Variants in MAP3K5 observed in about 807,000 individuals in gnomAD.
MAP3K5 encodes mitogen-activated protein kinase kinase kinase 5, also known as ASK-1.
A neutral mutation model predicts 158.7 loss-of-function variants in MAP3K5; 56 were observed. That is an observed-to-expected ratio of 0.35 (90% CI 0.28 to 0.44). The LOEUF (loss-of-function observed/expected upper bound fraction) is 0.44, where lower values mean the gene tolerates loss of function less well. Ranked by LOEUF, MAP3K5 falls within the 20% of genes least tolerant of loss-of-function variation. MAP3K5 has a pLI of 1.00. For synonymous variants in MAP3K5, 579 were observed against 601.7 expected (o/e 0.96, Z 0.55); for missense variants, 1,294 against 1,674.8 (o/e 0.77, Z 3.97).
chr6:136,639,900 T>C (rs1292299464), intron 12 of MAP3K5, among the ~76,000 whole-genome samples: 2 of 152,172 alleles, frequency 1.3e-5, no homozygotes, highest in Admixed American at 1.3e-4. Context: ...CTACACATCC[T>C]TTCAACAGAG....
intron 8 of MAP3K5, among the ~76,000 whole-genome samples, chr6:136,667,837 C>T (rs957034312): frequency 6.6e-6 from 1 of 151,368 alleles, no homozygotes; most frequent in Non-Finnish European, 1.5e-5. Flanking sequence ...CAGAGTGAGA[C>T]CCTGTCTCAG....
intron 24 of MAP3K5, among the ~76,000 whole-genome samples, chr6:136,582,983 C>G (rs1359485775): frequency 6.6e-6 from 1 of 152,188 alleles, no homozygotes; most frequent in South Asian, 2.1e-4. Flanking sequence ...TCTCAGCAAT[C>G]TCTCATTAGA....
At chr6:136,687,385 C>A (rs1008682360) in intron 7 of MAP3K5, among the ~76,000 whole-genome samples, 1 of 152,142 alleles carries the variant, frequency 6.6e-6, no homozygotes, top group African/African-American at 2.4e-5. Flanking sequence ...ATGACTAAAA[C>A]ACCAAAAGCA....
chr6:136,757,586 A>ATTTTTTTTTTTTTTTTT (rs897486770), intron 1 of MAP3K5, among the ~76,000 whole-genome samples: 1 of 127,818 alleles, frequency 7.8e-6, no homozygotes, highest in Non-Finnish European at 1.6e-5. Context: ...TTTATTTTTT[A>ATTTTTTTTTTTTTTTTT]TTTTTTTTTT....
Position 136,737,037 on chromosome 6 carries a change from G to GTGTATATATATATATA in MAP3K5, c.449-16449_449-16448insTATATATATATATACA, listed in dbSNP as rs759947051. On this transcript the variant is annotated intron_variant, in intron 1 of 29. Transcript: ENST00000359015. Reference sequence around the variant, plus strand: ...TAATTTTACATATATATATGTGTGTGTATATATATATATATATATAAACTT... The same window carrying GTGTATATATATATATA: ...TAATTTTACATATATATATGTGTGTGTGTATATATATATATATATATATATATATATATATAAACTT... Among the ~76,000 whole-genome samples the GTGTATATATATATATA allele has an allele frequency of 2.9e-4, 37 of 126,954 alleles. 2 individuals are homozygous for GTGTATATATATATATA. Among genetic ancestry groups the GTGTATATATATATATA allele is most frequent in the African/African-American group, 1.4e-3 (37 of 26,432 alleles). The allele number at this position is 126,954 out of a possible 152,430, so 83.3% of individuals were successfully genotyped here. A position where few individuals can be genotyped will look rare whatever the true frequency, so the allele number is the denominator to read the frequency against.
chr6:136,761,306 A>AAT (rs1326848963), intron 1 of MAP3K5, among the ~76,000 whole-genome samples: 2 of 149,502 alleles, frequency 1.3e-5, no homozygotes. Context: ...AAAAAAAAAA[A>AAT]ACGAACAGTC....
In MAP3K5 at chr6:136,757,578, TA is replaced by T. The variant is rs1482839620; in HGVS notation, c.448+34131del. Among the ~76,000 whole-genome samples the T allele has an allele frequency of 3.2e-3, 352 of 111,038 alleles. 1 individual carries two copies. Among genetic ancestry groups the T allele is most frequent in the African/African-American group, 9.8e-3 (295 of 29,980 alleles). 72.8% of individuals were successfully genotyped at this position (111,038 alleles called of 152,430 possible). ...AACTCATTTTATAGATTTATTTATTTATTTTTTATTTTTTTTTTTTTTTTTT... is the reference window on the plus strand; with the variant it reads ...AACTCATTTTATAGATTTATTTATTTTTTTTTATTTTTTTTTTTTTTTTTT... On this transcript the variant is annotated intron_variant, in intron 1 of 29. Coordinates refer to ENST00000359015, the MANE Select transcript of MAP3K5 (RefSeq NM_005923.4).
intron 23 of MAP3K5, among the ~76,000 whole-genome samples, chr6:136,591,955 T>A (rs1316392406): frequency 2.0e-5 from 3 of 152,240 alleles, no homozygotes; most frequent in Non-Finnish European, 2.9e-5. Context: ...AAAAATAGCT[T>A]ATGTTCAAAA....
At chr6:136,728,782 C>T (rs1393828141) in intron 1 of MAP3K5, among the ~76,000 whole-genome samples, 1 of 152,142 alleles carries the variant, frequency 6.6e-6, no homozygotes, top group Non-Finnish European at 1.5e-5. Flanking sequence ...GTATTACACT[C>T]AAGTGTTTTG....
At chr6:136,596,022 G>C (rs1323724177) in intron 21 of MAP3K5, among the ~76,000 whole-genome samples, 1 of 152,136 alleles carries the variant, frequency 6.6e-6, no homozygotes, top group Admixed American at 6.5e-5. Flanking sequence ...AAAGCAATTG[G>C]ATATGAGTCT....
chr6:136,669,178 T>C (rs1351551326), intron 8 of MAP3K5, 105 bp downstream of exon 8: 3 of 793,438 alleles, frequency 3.8e-6, no homozygotes, highest in South Asian at 3.0e-5. Context: ...TTGGGAAGTA[T>C]GAAAAGACAG....
At chr6:136,577,240 A>G (rs1312513789) in intron 25 of MAP3K5, among the ~76,000 whole-genome samples, 1 of 152,242 alleles carries the variant, frequency 6.6e-6, no homozygotes, top group African/African-American at 2.4e-5. Flanking sequence ...TCTTAATGGC[A>G]TAACAAAATC....
intron 10 of MAP3K5, among the ~76,000 whole-genome samples, chr6:136,651,537 T>TGTA (rs1778519274): frequency 6.6e-6 from 1 of 152,186 alleles, no homozygotes; most frequent in Admixed American, 6.5e-5. Flanking sequence ...ATCATACAGA[T>TGTA]GTAGTAGTAT....
chr6:136,750,789 T>C (rs1783172416), intron 1 of MAP3K5, among the ~76,000 whole-genome samples: 1 of 152,196 alleles, frequency 6.6e-6, no homozygotes, highest in Admixed American at 6.5e-5. Context: ...TCATCCTGAG[T>C]CCTAGTCCTG....
intron 21 of MAP3K5, among the ~76,000 whole-genome samples, chr6:136,593,327 T>A (rs572238863): frequency 6.6e-6 from 1 of 152,198 alleles, no homozygotes; most frequent in African/African-American, 2.4e-5. Context: ...TCCTCAAACA[T>A]TGGTTTTAAA....
Position 136,637,425 on chromosome 6 carries a change from CGT to C in MAP3K5, c.1935-21_1935-20del. 1 of 1,369,352 alleles carries C rather than the reference CGT, an allele frequency of 7.3e-7. No individual in the cohort carries two copies. The highest frequency in any genetic ancestry group is 1.0e-6 in the Non-Finnish European group (1 of 956,712). 84.8% of individuals were successfully genotyped at this position (1,369,352 alleles called of 1,614,324 possible). Reference sequence around the variant, plus strand: ...AAAAAACCTACAATACAAGTTAGCACGTGAGCATTCATAACACAAACAATAGT... The same window carrying C: ...AAAAAACCTACAATACAAGTTAGCACGAGCATTCATAACACAAACAATAGT... On this transcript the variant is annotated intron_variant, in intron 13 of 29. Transcript: ENST00000359015.
intron 3 of MAP3K5, among the ~76,000 whole-genome samples, chr6:136,699,139 G>GCT (rs1008066604): frequency 5.9e-5 from 9 of 152,218 alleles, no homozygotes; most frequent in Admixed American, 1.3e-4. Flanking sequence ...CCGGGAGGCT[G>GCT]CTCTCTCTCT....
At chr6:136,560,674 G>A (rs749393539) in intron 28 of MAP3K5, among the ~76,000 whole-genome samples, 8 of 152,068 alleles carry the variant, frequency 5.3e-5, no homozygotes, top group East Asian at 1.9e-4. Flanking sequence ...CAGGCCTGGC[G>A]TGGTGGTTCA....
intron 13 of MAP3K5, 108 bp from the exon 14 acceptor site, chr6:136,637,514 C>T (rs1777698553): frequency 1.4e-6 from 1 of 727,282 alleles, no homozygotes; most frequent in African/African-American, 1.7e-5. Context: ...AAGAGAGTCT[C>T]CAGAACCAGG....
Sources: gnomAD v4.1 joint callset for allele counts (sites outside exome capture counted in the v4.1 genomes callset) on GRCh38, gnomAD v4.1.1 for gene constraint, MANE v1.5 for transcripts, NCBI Gene and HGNC (gene_info 2026-07-23, HGNC 2026-07-21) for gene names.